Variants in UNC79 observed in about 807,000 individuals in gnomAD.
The protein encoded by UNC79 is unc-79 subunit of NALCN channel complex.
In UNC79, 37 loss-of-function variants were observed where a neutral mutation model predicts 283.1. That is an observed-to-expected ratio of 0.13 (90% CI 0.10 to 0.17). UNC79 has a LOEUF of 0.17. Ranked by LOEUF, UNC79 falls within the 10% of genes least tolerant of loss-of-function variation. The pLI, the probability that UNC79 is intolerant of heterozygous loss-of-function variation, is 1.00. For synonymous variants in UNC79, 1,107 were observed against 1,200.2 expected (o/e 0.92, Z 1.61); for missense variants, 2,272 against 3,211.1 (o/e 0.71, Z 7.07).
chr14:93,540,233 A>G (rs1181823105), intron 12 of UNC79, among the ~76,000 whole-genome samples: 1 of 152,262 alleles, frequency 6.6e-6, no homozygotes, highest in Non-Finnish European at 1.5e-5. Context: ...TTTGAATATC[A>G]GATGGTGAAT....
At position 93,511,138 on chromosome 14, in the gene UNC79, ACT is replaced by A. The variant is rs552451086; in HGVS notation, c.899-12835_899-12834del. Among the ~76,000 whole-genome samples, 310 of 151,946 alleles carry A rather than the reference ACT, an allele frequency of 2.0e-3. 3 individuals carry two copies. The highest frequency in any genetic ancestry group is 7.2e-3 in the African/African-American group (299 of 41,432). ...GGTGCCACGCACTTTTAGACAACCA[ACT>A]CTCTGTGCACTCACTCACTATTATG... On this transcript the variant is annotated intron_variant, in intron 7 of 48. Coordinates refer to ENST00000555664, the Ensembl canonical transcript of UNC79.
chr14:93,407,483 C>T (rs1357435382), intron 1 of UNC79, among the ~76,000 whole-genome samples: 1 of 152,154 alleles, frequency 6.6e-6, no homozygotes, highest in African/African-American at 2.4e-5. Flanking sequence ...CTAGGAGCCC[C>T]ACCAGGTTCT....
In UNC79 at chr14:93,527,239, G is replaced by A. The variant is rs185877745; in HGVS notation, c.964-1319G>A. On this transcript the variant is annotated intron_variant, in intron 8 of 48. Coordinates refer to ENST00000555664, the Ensembl canonical transcript of UNC79. ...AAACTATGGCCCAGAGCCAAATCTG[G>A]CCTGCTGCCAGTTTTTGGAAATAAG... 6.6e-5 allele frequency among the ~76,000 whole-genome samples: 10 copies of A among 152,296 alleles called. No homozygotes were observed. The East Asian group carries it at 1.5e-3, about 24-fold the overall frequency.
chr14:93,651,575 C>G (rs1262346047), intron 35 of UNC79, among the ~76,000 whole-genome samples: 1 of 152,062 alleles, frequency 6.6e-6, no homozygotes, highest in Non-Finnish European at 1.5e-5. Flanking sequence ...TTGCTGATAT[C>G]TAAATAACAA....
intron 47 of UNC79, among the ~76,000 whole-genome samples, chr14:93,700,273 T>G (rs190584843): frequency 6.6e-6 from 1 of 152,270 alleles, no homozygotes; most frequent in Admixed American, 6.5e-5. Flanking sequence ...TTTCTGGTGC[T>G]TGGGTTTGGT....
Position 93,506,447 on chromosome 14 carries a change from G to T in UNC79, c.898+9161G>T, listed in dbSNP as rs1437269902. Among the ~76,000 whole-genome samples the T allele has an allele frequency of 2.0e-5, 3 of 151,810 alleles. No individual in the cohort carries two copies. The East Asian group carries it at 5.8e-4, about 29-fold the overall frequency. The stretch of plus-strand genomic sequence containing the variant: ...CATCTTGGCCAGGCTAGCCTTGATT[G>T]GCAGTCATTTTATTTTTCATACTTT... On this transcript the variant is annotated intron_variant, in intron 7 of 48. Transcript: ENST00000555664.
upstream of UNC79, among the ~76,000 whole-genome samples, chr14:93,429,977 G>T (rs2055817326): frequency 1.3e-5 from 2 of 152,190 alleles, no homozygotes; most frequent in South Asian, 4.1e-4. Context: ...CTTGAATCTG[G>T]TTCTTCCCGA....
At position 93,621,144 on chromosome 14, in the gene UNC79, C is replaced by G; in HGVS notation, c.4388-477C>G. 2.6e-6 allele frequency: 1 copy of G among 384,198 alleles called. No homozygotes were observed. The highest frequency in any genetic ancestry group is 2.1e-5 in the South Asian group (1 of 48,462). The allele number at this position is 384,198 out of a possible 1,614,324, so 23.8% of individuals were successfully genotyped here. ...ATTATGTTACTACACATTTTAATAC[C>G]GTTGATTTATATATATGTATGCACA... On this transcript the variant is annotated intron_variant, in intron 29 of 48. Transcript: ENST00000555664. The surrounding 1 kb of genome is among the most constrained non-coding windows in gnomAD (Gnocchi z 4.8).
At chr14:93,546,387 A>G (rs1163817439) in intron 14 of UNC79, among the ~76,000 whole-genome samples, 2 of 152,168 alleles carry the variant, frequency 1.3e-5, no homozygotes, top group Non-Finnish European at 1.5e-5. Context: ...TTATTTTCTC[A>G]CTGTCATAAT....
Position 93,573,022 on chromosome 14 carries a change from AT to A in UNC79, c.2070+208del, listed in dbSNP as rs1156531804. 5.3e-5 allele frequency among the ~76,000 whole-genome samples: 8 copies of A among 152,320 alleles called. No homozygotes were observed. The East Asian group carries it at 1.5e-3, about 29-fold the overall frequency. On this transcript the variant is annotated intron_variant, in intron 16 of 48. Transcript: ENST00000555664. ...TGGTTAATAACATATAAATATATAA[AT>A]TGTGCAATAATATTACTGAATTCTT...
chr14:93,525,347 G>A (rs140379872), intron 8 of UNC79, among the ~76,000 whole-genome samples: 3,566 of 152,212 alleles, frequency 0.023, 155 homozygotes, highest in African/African-American at 0.082. Context: ...TACTCGGGAG[G>A]CTGAGGGAGG....
At chr14:93,404,752 A>G (rs2055193410) in intron 1 of UNC79, among the ~76,000 whole-genome samples, 1 of 151,376 alleles carries the variant, frequency 6.6e-6, no homozygotes, top group Admixed American at 6.6e-5. Context: ...CTCCTCTCTT[A>G]ATGAAAGAGA....
intron 1 of UNC79, among the ~76,000 whole-genome samples, chr14:93,449,914 G>C (rs984301399): frequency 3.3e-5 from 5 of 152,174 alleles, no homozygotes; most frequent in African/African-American, 1.2e-4. Flanking sequence ...TTAATCTGGT[G>C]GTGGGTAAAT....
chr14:93,350,553 G>A (rs1191464396), intron 1 of UNC79, among the ~76,000 whole-genome samples: 8 of 152,128 alleles, frequency 5.3e-5, no homozygotes, highest in Non-Finnish European at 1.0e-4. Context: ...AAGTAATTAA[G>A]TTGGTTATAA....
At chr14:93,559,882 T>C (rs1458720084) in intron 14 of UNC79, among the ~76,000 whole-genome samples, 1 of 151,888 alleles carries the variant, frequency 6.6e-6, no homozygotes, top group Non-Finnish European at 1.5e-5. Flanking sequence ...CATAAAATAG[T>C]GTTGAAGTGT....
chr14:93,608,640 T>G (rs1458883525), intron 26 of UNC79, among the ~76,000 whole-genome samples: 1 of 152,200 alleles, frequency 6.6e-6, no homozygotes, highest in Non-Finnish European at 1.5e-5. Context: ...TAGTGCTTAC[T>G]CATTGGCTGC....
intron 1 of UNC79, among the ~76,000 whole-genome samples, chr14:93,419,197 C>G (rs937177951): frequency 1.4e-5 from 2 of 145,622 alleles, no homozygotes; most frequent in Non-Finnish European, 3.0e-5. Context: ...GAGATGGAGT[C>G]TCATTCTGTC....
intron 17 of UNC79, among the ~76,000 whole-genome samples, chr14:93,575,535 G>C (rs531761156): frequency 6.6e-6 from 1 of 152,086 alleles, no homozygotes; most frequent in Non-Finnish European, 1.5e-5. Context: ...CTTCACTTTG[G>C]GGGTGAGGAG....
intron 3 of UNC79, among the ~76,000 whole-genome samples, chr14:93,476,359 G>T (rs1248993713): frequency 1.3e-5 from 2 of 152,156 alleles, no homozygotes; most frequent in Non-Finnish European, 2.9e-5. Flanking sequence ...TCCTTTCAGT[G>T]CTAATGTTCT....
Sources: allele counts gnomAD v4.1 joint callset (sites outside exome capture counted in the v4.1 genomes callset), GRCh38; gene constraint gnomAD v4.1.1; non-coding constraint Gnocchi (gnomAD v3.1); transcripts MANE v1.5; gene names NCBI Gene and HGNC (gene_info 2026-07-23, HGNC 2026-07-21).